Variants in MECOM observed in about 807,000 individuals in gnomAD.
MECOM encodes the protein histone-lysine N-methyltransferase MECOM.
In MECOM, 13 loss-of-function variants were observed where a neutral mutation model predicts 116.3. The ratio of observed to expected loss-of-function variants is 0.11; its 90% confidence interval spans 0.07 to 0.18. MECOM has a LOEUF of 0.18. Ranked by LOEUF, MECOM falls within the 10% of genes least tolerant of loss-of-function variation. MECOM has a pLI of 1.00. For missense variants in MECOM, 1,299 were observed against 1,509.0 expected, an observed-to-expected ratio of 0.86 and a Z score of 2.31; for synonymous variants, 528 against 535.2, an observed-to-expected ratio of 0.99 and a Z score of 0.19.
chr3:169,330,090 A>C (rs1722485771), intron 2 of MECOM, among the ~76,000 whole-genome samples: 1 of 152,142 alleles, frequency 6.6e-6, no homozygotes, highest in Non-Finnish European at 1.5e-5. Flanking sequence ...CAGTGGTATG[A>C]ACGCAGCTCT....
At chr3:169,137,137 A>C (rs2242338) in intron 3 of MECOM, among the ~76,000 whole-genome samples, 15,956 of 152,110 alleles carry the variant, frequency 0.1, 1,022 homozygotes, top group East Asian at 0.17. Flanking sequence ...CATTCAATAT[A>C]CTTTCTGAAG....
intron 15 of MECOM, 90 bp from the exon 16 acceptor site, chr3:169,089,273 C>T (rs1718888339): frequency 1.1e-6 from 1 of 936,256 alleles, no homozygotes; most frequent in Non-Finnish European, 1.5e-6. Flanking sequence ...ATACAACTGA[C>T]AAACTTCATA....
intron 2 of MECOM, chr3:169,147,755 T>A (rs573084920): frequency 2.1e-6 from 2 of 964,594 alleles, no homozygotes; most frequent in Admixed American, 1.3e-4. Context: ...TGTGTGTGCA[T>A]GTGTGTGTGT....
chr3:169,378,452 G>GCGAGCGAGAAAGAAAGAAA (rs1491467574), intron 2 of MECOM, among the ~76,000 whole-genome samples: 1 of 64,554 alleles, frequency 1.5e-5, no homozygotes, highest in Admixed American at 1.8e-4. Flanking sequence ...AAAGAAAGAA[G>GCGAGCGAGAAAGAAAGAAA]GAAAGCAAGC....
At chr3:169,214,798 C>T (rs1349812677) in intron 2 of MECOM, among the ~76,000 whole-genome samples, 1 of 148,674 alleles carries the variant, frequency 6.7e-6, no homozygotes, top group Non-Finnish European at 1.5e-5. Context: ...AAAAGTTCTA[C>T]AGGATTATAT....
intron 1 of MECOM, among the ~76,000 whole-genome samples, chr3:169,593,610 A>G (rs577962260): frequency 4.6e-5 from 7 of 152,304 alleles, no homozygotes; most frequent in Middle Eastern, 3.4e-3. Flanking sequence ...CCAGGAATCT[A>G]TATTTCCACG....
At chr3:169,504,927 A>G (rs542264166) in intron 1 of MECOM, among the ~76,000 whole-genome samples, 56 of 152,328 alleles carry the variant, frequency 3.7e-4, no homozygotes, top group African/African-American at 1.2e-3. Flanking sequence ...GGCTGATTGC[A>G]TCTGCATTTT....
At chr3:169,246,203 T>C (rs1295823329) in intron 2 of MECOM, among the ~76,000 whole-genome samples, 1 of 152,240 alleles carries the variant, frequency 6.6e-6, no homozygotes. Flanking sequence ...CAGTGTTTGA[T>C]AGATTATGAA....
At chr3:169,109,791 C>T (rs1726737146) in intron 9 of MECOM, among the ~76,000 whole-genome samples, 1 of 152,106 alleles carries the variant, frequency 6.6e-6, no homozygotes, top group South Asian at 2.1e-4. Flanking sequence ...AATAATCTTT[C>T]AATAAAATTC....
chr3:169,397,495 C>T (rs1735195340), intron 1 of MECOM, among the ~76,000 whole-genome samples: 1 of 152,136 alleles, frequency 6.6e-6, no homozygotes, highest in Non-Finnish European at 1.5e-5. Flanking sequence ...AGTTCAATTC[C>T]TCCCACAAAT....
At chr3:169,484,318 A>G (rs1291946070) in intron 1 of MECOM, among the ~76,000 whole-genome samples, 1 of 152,204 alleles carries the variant, frequency 6.6e-6, no homozygotes, top group Non-Finnish European at 1.5e-5. Context: ...GAAGAGGGCT[A>G]AAGAAAATAT....
intron 10 of MECOM, among the ~76,000 whole-genome samples, chr3:169,107,641 C>A (rs903658511): frequency 6.6e-6 from 1 of 152,084 alleles, no homozygotes; most frequent in Admixed American, 6.6e-5. Flanking sequence ...CGTTTAACAG[C>A]GTGTTCCCAG....
At chr3:169,410,885 C>T (rs567270877) in intron 1 of MECOM, among the ~76,000 whole-genome samples, 3 of 152,080 alleles carry the variant, frequency 2.0e-5, no homozygotes, top group East Asian at 1.9e-4. Flanking sequence ...AGTTGTCCAA[C>T]GGTTAGCAAA....
rs1275971828 is a variant in MECOM at position 169,312,520 on chromosome 3, C to T, written c.375+68667G>A. Among the ~76,000 whole-genome samples, 5 of 151,976 alleles carry T rather than the reference C, an allele frequency of 3.3e-5. No individual in the cohort carries two copies. In the South Asian group the frequency reaches 8.3e-4, roughly 25 times the overall value. ...AGTAGCTGGGACCACAGGTGCCCGC[C>T]ACCATGCCCGGCTAATTTTTTGTAT... On this transcript the variant is annotated intron_variant, in intron 2 of 16. Coordinates refer to ENST00000651503, the MANE Select transcript of MECOM (RefSeq NM_004991.4).
rs1241059998 is a variant in MECOM at position 169,611,177 on chromosome 3, A to C, written c.37+52159T>G. 6.6e-6 allele frequency among the ~76,000 whole-genome samples: 1 copy of C among 152,198 alleles called. No individual in the cohort carries two copies. Among genetic ancestry groups the C allele is most frequent in the Non-Finnish European group, 1.5e-5 (1 of 68,020 alleles). Reference sequence around the variant, plus strand: ...GTTCTAAGCTTAGGAAACCTTGCCCAAAGGATACCATTCTGTCTCTTGGGA... The same window carrying C: ...GTTCTAAGCTTAGGAAACCTTGCCCCAAGGATACCATTCTGTCTCTTGGGA... On this transcript the variant is annotated intron_variant, in intron 1 of 16. Coordinates refer to ENST00000651503, the MANE Select transcript of MECOM (RefSeq NM_004991.4). The surrounding 1 kb of genome is among the most constrained non-coding windows in gnomAD (Gnocchi z 4.1).
intron 2 of MECOM, among the ~76,000 whole-genome samples, chr3:169,180,820 T>G (rs772661766): frequency 1.0e-4 from 15 of 145,200 alleles, no homozygotes; most frequent in Admixed American, 1.4e-4. Context: ...TATATCAGGC[T>G]GTGTGTATCA....
intron 1 of MECOM, among the ~76,000 whole-genome samples, chr3:169,629,968 T>C (rs1771877542): frequency 6.6e-6 from 1 of 152,138 alleles, no homozygotes; most frequent in Non-Finnish European, 1.5e-5. Context: ...AACCCACCTC[T>C]CCCAGCCCTT....
intron 2 of MECOM, among the ~76,000 whole-genome samples, chr3:169,247,784 G>A (rs1352431230): frequency 2.0e-5 from 3 of 152,050 alleles, no homozygotes; most frequent in African/African-American, 7.2e-5. Context: ...CATACTTTTG[G>A]CACTGAGAAA....
intron 2 of MECOM, chr3:169,145,237 C>A (rs1393849665): frequency 1.8e-5 from 9 of 508,876 alleles, no homozygotes; most frequent in Middle Eastern, 4.4e-4. Context: ...TTCACACTAA[C>A]AACGACAGAA....
Sources: allele counts gnomAD v4.1 joint callset (sites outside exome capture counted in the v4.1 genomes callset), GRCh38; gene constraint gnomAD v4.1.1; non-coding constraint Gnocchi (gnomAD v3.1); transcripts MANE v1.5; gene names NCBI Gene and HGNC (gene_info 2026-07-23, HGNC 2026-07-21).